Variants in CHST11 observed in about 807,000 individuals in gnomAD.
The protein encoded by CHST11 is C4S-1.
CHST11 carries 9 observed loss-of-function variants against 30.4 expected under a neutral mutation model. The ratio of observed to expected loss-of-function variants is 0.30; its 90% CI spans 0.18 to 0.52. CHST11 has a LOEUF of 0.52. Ranked by LOEUF, CHST11 falls within the 20% of genes least tolerant of loss-of-function variation. The probability of loss-of-function intolerance (pLI) is 0.97; values close to 1 mark genes in which losing one functional copy is unlikely to be tolerated. For missense variants in CHST11, 348 were observed against 460.6 expected (o/e 0.76, Z 2.24); for synonymous variants, 152 against 187.8 (o/e 0.81, Z 1.56).
chr12:104,487,300 C>T (rs1477336666), intron 1 of CHST11, among the ~76,000 whole-genome samples: 1 of 152,206 alleles, frequency 6.6e-6, no homozygotes, highest in Non-Finnish European at 1.5e-5. Context: ...GTCTCACTGT[C>T]TTCCAGGCAG....
chr12:104,705,534 C>T (rs1466068000), intron 2 of CHST11, among the ~76,000 whole-genome samples: 1 of 152,162 alleles, frequency 6.6e-6, no homozygotes, highest in East Asian at 1.9e-4. Flanking sequence ...CCTTGTGGTG[C>T]TCACACTCTA....
intron 2 of CHST11, among the ~76,000 whole-genome samples, chr12:104,636,826 CT>C (rs774295897): frequency 2.8e-4 from 43 of 152,078 alleles, no homozygotes; most frequent in South Asian, 8.3e-4. Flanking sequence ...AAAAATCTAG[CT>C]CTTACTGCAA....
chr12:104,690,034 A>G (rs1249023719), intron 2 of CHST11, among the ~76,000 whole-genome samples: 2 of 152,236 alleles, frequency 1.3e-5, no homozygotes, highest in African/African-American at 4.8e-5. Flanking sequence ...TTTGTCTAAT[A>G]TCAATTGTCT....
At chr12:104,744,350 A>G (rs2040371724) in intron 2 of CHST11, among the ~76,000 whole-genome samples, 1 of 152,200 alleles carries the variant, frequency 6.6e-6, no homozygotes, top group African/African-American at 2.4e-5. Context: ...TTCTCTAATG[A>G]TCAGTGATGC....
At chr12:104,460,574 G>C (rs2037398234) in intron 1 of CHST11, among the ~76,000 whole-genome samples, 1 of 150,934 alleles carries the variant, frequency 6.6e-6, no homozygotes, top group South Asian at 2.1e-4. Flanking sequence ...TGAGGCATGA[G>C]AATAGCATGA....
In CHST11 at chr12:104,759,828, G is replaced by T. The variant is rs916982635; in HGVS notation, c.*2025G>T. 2.0e-5 allele frequency: 3 copies of T among 152,156 alleles called. No homozygotes were observed. Among genetic ancestry groups the T allele is most frequent in the Admixed American group, 6.5e-5 (1 of 15,278 alleles). 9.4% of individuals were successfully genotyped at this position (152,156 alleles called of 1,614,324 possible). A position where few individuals can be genotyped will look rare whatever the true frequency, so the allele number is the denominator to read the frequency against. On this transcript the variant is annotated 3_prime_UTR_variant, in exon 3 of 3. Transcript: ENST00000303694. The stretch of plus-strand genomic sequence containing the variant: ...TTACTGGGTAGAGTGACAGACCTTG[G>T]CTGTCCCTGGAATTGAGAATCTGGA...
At chr12:104,601,883 G>A (rs772379507) in intron 1 of CHST11, 23 bp from the exon 2 acceptor site, 30 of 1,587,448 alleles carry the variant, frequency 1.9e-5, no homozygotes, top group Non-Finnish European at 2.3e-5. Flanking sequence ...CATTTCTGAT[G>A]AGCCTTCACT....
At chr12:104,611,286 A>T (rs906711186) in intron 2 of CHST11, among the ~76,000 whole-genome samples, 8 of 152,218 alleles carry the variant, frequency 5.3e-5, no homozygotes, top group Admixed American at 2.6e-4. Context: ...TTGAAATCTG[A>T]TGTGTATTTG....
rs188795838 is a variant in CHST11 at position 104,469,143 on chromosome 12, G to A, written c.118+11614G>A. On this transcript the variant is annotated intron_variant, in intron 1 of 2. Coordinates refer to ENST00000303694, the MANE Select transcript of CHST11 (RefSeq NM_018413.6). ...AAGTTTTTATCCTTTTAACATGTGC[G>A]TCCTACACTGTAAGATTTACTGAAA... 3.6e-3 allele frequency among the ~76,000 whole-genome samples: 555 copies of A among 152,192 alleles called. 1 individual carries two copies. Among genetic ancestry groups the A allele is most frequent in the Non-Finnish European group, 6.1e-3 (416 of 68,020 alleles).
chr12:104,736,356 G>A (rs760495936), intron 2 of CHST11, among the ~76,000 whole-genome samples: 1 of 152,162 alleles, frequency 6.6e-6, no homozygotes, highest in Non-Finnish European at 1.5e-5. Flanking sequence ...GAAGGTTGGG[G>A]AGGGCCATTT....
intron 1 of CHST11, among the ~76,000 whole-genome samples, chr12:104,550,514 G>C (rs2038394908): frequency 6.6e-6 from 1 of 152,142 alleles, no homozygotes; most frequent in Admixed American, 6.5e-5. Flanking sequence ...TAGAGTGAAA[G>C]CATCCATAGG....
chr12:104,522,483 T>C (rs1231549071), intron 1 of CHST11, among the ~76,000 whole-genome samples: 1 of 152,214 alleles, frequency 6.6e-6, no homozygotes, highest in African/African-American at 2.4e-5. Context: ...GGTGTAGGGT[T>C]CTCAGGCAGG....
chr12:104,749,844 T>C (rs2040415839), intron 2 of CHST11, among the ~76,000 whole-genome samples: 1 of 152,262 alleles, frequency 6.6e-6, no homozygotes, highest in African/African-American at 2.4e-5. Flanking sequence ...CTCTTCCGTC[T>C]GGCCTGTCCA....
At position 104,464,315 on chromosome 12, in the gene CHST11, T is replaced by C. The variant is rs146092248; in HGVS notation, c.118+6786T>C. On this transcript the variant is annotated intron_variant, in intron 1 of 2. Transcript: ENST00000303694. ...ACTCCTGACCTTAAGTGATCCACCCTCCTCGGCCTCCCAAAGTGCTGGTAG... is the reference window on the plus strand; with the variant it reads ...ACTCCTGACCTTAAGTGATCCACCCCCCTCGGCCTCCCAAAGTGCTGGTAG... Among the ~76,000 whole-genome samples, 1,410 of 152,052 alleles carry C rather than the reference T, an allele frequency of 9.3e-3. 44 individuals are homozygous for C. Among genetic ancestry groups the C allele is most frequent in the East Asian group, 0.067 (347 of 5,146 alleles).
intron 2 of CHST11, among the ~76,000 whole-genome samples, chr12:104,628,274 C>T (rs1215022344): frequency 1.3e-5 from 2 of 152,320 alleles, no homozygotes; most frequent in African/African-American, 2.4e-5. Flanking sequence ...TAAGGGATTT[C>T]TCTCCAGCCT....
At chr12:104,745,988 G>A (rs931598060) in intron 2 of CHST11, among the ~76,000 whole-genome samples, 2 of 152,130 alleles carry the variant, frequency 1.3e-5, no homozygotes, top group African/African-American at 4.8e-5. Flanking sequence ...TAATAGGAGT[G>A]GTGAGAGAGG....
intron 1 of CHST11, among the ~76,000 whole-genome samples, chr12:104,594,892 G>A (rs531387454): frequency 1.8e-4 from 28 of 152,326 alleles, no homozygotes; most frequent in Admixed American, 1.4e-3. Flanking sequence ...GGGAGGTAGA[G>A]GTTGAGATTG....
intron 2 of CHST11, among the ~76,000 whole-genome samples, chr12:104,697,332 G>C (rs1192445353): frequency 1.3e-5 from 2 of 152,234 alleles, no homozygotes; most frequent in Non-Finnish European, 2.9e-5. Flanking sequence ...CTTTGAATCA[G>C]TAGACTGAGT....
At chr12:104,693,883 G>A (rs1342206467) in intron 2 of CHST11, among the ~76,000 whole-genome samples, 1 of 152,088 alleles carries the variant, frequency 6.6e-6, no homozygotes, top group Non-Finnish European at 1.5e-5. Context: ...ATGAGATACA[G>A]TTTACATCAA....
Sources: gnomAD v4.1 joint callset for allele counts (sites outside exome capture counted in the v4.1 genomes callset) on GRCh38, gnomAD v4.1.1 for gene constraint, MANE v1.5 for transcripts, NCBI Gene and HGNC (gene_info 2026-07-23, HGNC 2026-07-21) for gene names.